ATP8A2: variants seen among roughly 807,000 people sequenced by gnomAD.
ATP8A2 encodes the protein phospholipid-transporting ATPase IB.
A neutral mutation model predicts 165.6 loss-of-function variants in ATP8A2; 100 were observed. That is an observed-to-expected ratio of 0.60 (90% CI 0.51 to 0.71). The LOEUF is 0.71. Among genes scored for constraint, ATP8A2 ranks in the 30% least tolerant of loss-of-function variants. ATP8A2 has a pLI of 0.00. For synonymous variants in ATP8A2, 543 were observed against 548.8 expected (o/e 0.99, Z 0.15); for missense variants, 1,227 against 1,479.5 (o/e 0.83, Z 2.80).
intron 30 of ATP8A2, among the ~76,000 whole-genome samples, chr13:25,858,403 C>T (rs1200423704): frequency 1.3e-5 from 2 of 152,124 alleles, no homozygotes; most frequent in Non-Finnish European, 2.9e-5. Flanking sequence ...GGCCATGTCT[C>T]GCCCCGTTCT....
intron 25 of ATP8A2, among the ~76,000 whole-genome samples, chr13:25,704,707 T>G (rs1452207532): frequency 1.3e-5 from 2 of 152,178 alleles, no homozygotes; most frequent in Non-Finnish European, 2.9e-5. Context: ...TATAAGCACA[T>G]TATTAAATTG....
At chr13:25,566,649 T>C (rs2039323542) in intron 16 of ATP8A2, among the ~76,000 whole-genome samples, 1 of 152,210 alleles carries the variant, frequency 6.6e-6, no homozygotes, top group African/African-American at 2.4e-5. Context: ...GCAGCGTGTA[T>C]GGAACATCAC....
chr13:25,901,045 T>A (rs1421590372), intron 33 of ATP8A2, among the ~76,000 whole-genome samples: 1 of 152,136 alleles, frequency 6.6e-6, no homozygotes, highest in Non-Finnish European at 1.5e-5. Context: ...AAAGGTGGGC[T>A]GGGGGATGAC....
intron 2 of ATP8A2, among the ~76,000 whole-genome samples, chr13:25,472,590 TA>T (rs143445949): frequency 0.011 from 1,729 of 152,324 alleles, 36 homozygotes; most frequent in African/African-American, 0.04. Flanking sequence ...TTCAAAGGAA[TA>T]TTTTTATAAA....
At chr13:25,962,775 G>C (rs1955687323) in intron 34 of ATP8A2, among the ~76,000 whole-genome samples, 1 of 152,150 alleles carries the variant, frequency 6.6e-6, no homozygotes, top group Admixed American at 6.5e-5. Flanking sequence ...CCCACACTCA[G>C]AATTTTTCTT....
intron 24 of ATP8A2, among the ~76,000 whole-genome samples, chr13:25,630,844 A>AC (rs2041223760): frequency 6.6e-6 from 1 of 152,142 alleles, no homozygotes; most frequent in East Asian, 1.9e-4. Flanking sequence ...TTAAAAAAAA[A>AC]ATCCTTAGGG....
intron 35 of ATP8A2, among the ~76,000 whole-genome samples, chr13:25,984,236 C>CAA (rs34808241): frequency 2.8e-5 from 4 of 144,848 alleles, no homozygotes; most frequent in East Asian, 2.0e-4. Flanking sequence ...GAAACCGTCT[C>CAA]AAAAAAAAAA....
At chr13:25,506,230 G>C (rs990568573) in intron 2 of ATP8A2, among the ~76,000 whole-genome samples, 1 of 152,222 alleles carries the variant, frequency 6.6e-6, no homozygotes, top group Non-Finnish European at 1.5e-5. Context: ...GCTCATTTGA[G>C]GGGAGCTGAC....
chr13:25,508,487 A>T (rs2037121154), intron 2 of ATP8A2, among the ~76,000 whole-genome samples: 1 of 152,264 alleles, frequency 6.6e-6, no homozygotes, highest in African/African-American at 2.4e-5. Flanking sequence ...CACCATTAAA[A>T]AGGATGAATT....
rs572393596 is a variant in ATP8A2 at position 25,618,271 on chromosome 13, C to T, written c.2211+28572C>T. ...ACTGGACCAGAACAGGTTAGGAGTG[C>T]GTGTTTATAAACACGAGGGAGGGTC... On this transcript the variant is annotated intron_variant, in intron 24 of 36. Coordinates refer to ENST00000381655, the MANE Select transcript of ATP8A2 (RefSeq NM_016529.6). 1.8e-3 allele frequency among the ~76,000 whole-genome samples: 274 copies of T among 152,030 alleles called. 3 individuals are homozygous for T. Among genetic ancestry groups the T allele is most frequent in the African/African-American group, 5.7e-3 (236 of 41,454 alleles).
At chr13:25,930,685 G>A (rs952696200) in intron 33 of ATP8A2, among the ~76,000 whole-genome samples, 3 of 151,714 alleles carry the variant, frequency 2.0e-5, no homozygotes, top group Admixed American at 1.3e-4. Context: ...TTTCGTCATT[G>A]TGTGCCCAGC....
rs546082898 is a variant in ATP8A2, at chr13:25,954,471, G to C, written c.3184-7104G>C. On this transcript the variant is annotated intron_variant, in intron 33 of 36. Coordinates refer to ENST00000381655, the MANE Select transcript of ATP8A2 (RefSeq NM_016529.6). Reference sequence around the variant, plus strand: ...CGTTCTTGCCTGCCGGCTCTGAACAGAGCAGCGGACCTCCCAGCAGAGCAC... The same window carrying C: ...CGTTCTTGCCTGCCGGCTCTGAACACAGCAGCGGACCTCCCAGCAGAGCAC... Among the ~76,000 whole-genome samples, 44 of 152,358 alleles carry C rather than the reference G, an allele frequency of 2.9e-4. 1 individual carries two copies. The South Asian group carries it at 9.1e-3, about 32-fold the overall frequency.
intron 2 of ATP8A2, among the ~76,000 whole-genome samples, chr13:25,525,775 C>T (rs2037823576): frequency 6.6e-6 from 1 of 152,024 alleles, no homozygotes; most frequent in Non-Finnish European, 1.5e-5. Context: ...TATTACATGC[C>T]TTGGTGAAGT....
At chr13:25,605,577 T>C (rs1005805232) in intron 24 of ATP8A2, among the ~76,000 whole-genome samples, 6 of 152,192 alleles carry the variant, frequency 3.9e-5, no homozygotes, top group Admixed American at 6.5e-5. Context: ...TGTGTGTATG[T>C]AGTGTATATA....
At chr13:25,770,221 G>A (rs1026578065) in intron 26 of ATP8A2, among the ~76,000 whole-genome samples, 2 of 152,106 alleles carry the variant, frequency 1.3e-5, no homozygotes, top group Admixed American at 6.6e-5. Flanking sequence ...TTAGCCACAG[G>A]ATTTGAAATA....
At chr13:25,846,239 G>T (rs1951861162) in intron 30 of ATP8A2, among the ~76,000 whole-genome samples, 1 of 152,146 alleles carries the variant, frequency 6.6e-6, no homozygotes, top group Non-Finnish European at 1.5e-5. Flanking sequence ...CTGTGTTCTG[G>T]GGACACAGTA....
intron 10 of ATP8A2, among the ~76,000 whole-genome samples, chr13:25,545,542 A>C (rs543414637): frequency 6.6e-6 from 1 of 152,214 alleles, no homozygotes; most frequent in Non-Finnish European, 1.5e-5. Flanking sequence ...GCTACCTAGA[A>C]AGTATCCTTT....
rs1267527521 is a variant in ATP8A2 at position 25,531,140 on chromosome 13, T to TATATATGTTAC, written c.420+490_420+491insCATATATGTTA. 2.0e-4 allele frequency among the ~76,000 whole-genome samples: 28 copies of TATATATGTTAC among 142,720 alleles called. No homozygotes were observed. In the East Asian group the frequency reaches 5.3e-3, roughly 27 times the overall value. 93.6% of individuals were successfully genotyped at this position (142,720 alleles called of 152,430 possible). The stretch of plus-strand genomic sequence containing the variant: ...CCCTATATATTTGTGTGTGTGTGTA[T>TATATATGTTAC]ATATATGTTATATATATGATATATA... On this transcript the variant is annotated intron_variant, in intron 4 of 36. Coordinates refer to ENST00000381655, the MANE Select transcript of ATP8A2 (RefSeq NM_016529.6).
intron 25 of ATP8A2, among the ~76,000 whole-genome samples, chr13:25,758,239 A>G (rs2044305864): frequency 6.6e-6 from 1 of 152,238 alleles, no homozygotes; most frequent in African/African-American, 2.4e-5. Context: ...GTCCTTGAAC[A>G]TGAAATGGAA....
Sources: gnomAD v4.1 joint callset for allele counts (sites outside exome capture counted in the v4.1 genomes callset) on GRCh38, gnomAD v4.1.1 for gene constraint, MANE v1.5 for transcripts, NCBI Gene and HGNC (gene_info 2026-07-23, HGNC 2026-07-21) for gene names.